The following VPS13B variants were observed in gnomAD, a reference collection of about 807,000 sequenced individuals.
VPS13B encodes the protein intermembrane lipid transfer protein VPS13B.
VPS13B carries 285 observed loss-of-function variants against 426.4 expected under a neutral mutation model. That is an observed-to-expected ratio of 0.67 (90% CI 0.61 to 0.74). The LOEUF is 0.74. Among genes scored for constraint, VPS13B ranks in the 30% least tolerant of loss-of-function variants. The probability of loss-of-function intolerance (pLI) is 0.00; values close to 1 mark genes in which losing one functional copy is unlikely to be tolerated. For missense variants in VPS13B, 4,537 were observed against 4,782.6 expected, an observed-to-expected ratio of 0.95 and a Z score of 1.51; for synonymous variants, 1,676 against 1,676.4, an observed-to-expected ratio of 1.00 and a Z score of 0.01.
At chr8:99,519,650 T>G (rs1822267205) in intron 29 of VPS13B, among the ~76,000 whole-genome samples, 1 of 152,034 alleles carries the variant, frequency 6.6e-6, no homozygotes, top group African/African-American at 2.4e-5. Flanking sequence ...ACGTCCTTTG[T>G]AGGGACATGG....
At chr8:99,732,845 G>A (rs1833661729) in intron 39 of VPS13B, among the ~76,000 whole-genome samples, 3 of 152,262 alleles carry the variant, frequency 2.0e-5, no homozygotes. Context: ...AAGAGGTGGG[G>A]AAGGAATTTG....
At chr8:99,824,450 G>A (rs1000364579) in intron 51 of VPS13B, among the ~76,000 whole-genome samples, 2 of 152,142 alleles carry the variant, frequency 1.3e-5, no homozygotes, top group African/African-American at 4.8e-5. Flanking sequence ...AAATGTACTA[G>A]CTCATTTATG....
intron 43 of VPS13B, among the ~76,000 whole-genome samples, chr8:99,807,677 TTGTGTG>T (rs144674961): frequency 2.9e-4 from 43 of 146,266 alleles, no homozygotes; most frequent in Admixed American, 1.2e-3. Context: ...CAGGGTGTGT[TTGTGTG>T]TGTGTGTGTG....
At chr8:99,039,431 C>G (rs1842880607) in intron 3 of VPS13B, among the ~76,000 whole-genome samples, 3 of 151,730 alleles carry the variant, frequency 2.0e-5, no homozygotes, top group Admixed American at 2.0e-4. Flanking sequence ...GAGTTTCTAC[C>G]AAAAATTTTC....
chr8:99,458,270 G>T (rs1436905337), intron 23 of VPS13B, among the ~76,000 whole-genome samples: 7 of 152,142 alleles, frequency 4.6e-5, no homozygotes, highest in Non-Finnish European at 7.3e-5. Flanking sequence ...TGGCTGCATA[G>T]TATTCCATGG....
intron 30 of VPS13B, among the ~76,000 whole-genome samples, chr8:99,530,160 A>G (rs759492270): frequency 2.0e-4 from 31 of 152,140 alleles, no homozygotes; most frequent in East Asian, 3.9e-4. Context: ...ATTTTTAAAA[A>G]TCCTTAAGAA....
chr8:99,687,752 C>A (rs1332626916), intron 35 of VPS13B, among the ~76,000 whole-genome samples: 2 of 152,186 alleles, frequency 1.3e-5, no homozygotes, highest in African/African-American at 4.8e-5. Context: ...TCTTTCCTAC[C>A]GTCTTCAGTA....
chr8:99,741,449 G>C (rs1268262012), intron 39 of VPS13B, among the ~76,000 whole-genome samples: 1 of 152,174 alleles, frequency 6.6e-6, no homozygotes, highest in Non-Finnish European at 1.5e-5. Context: ...TCCAGGAATT[G>C]AACTCAGCTG....
At chr8:99,843,800 G>A (rs1440400391) in intron 54 of VPS13B, among the ~76,000 whole-genome samples, 1 of 152,116 alleles carries the variant, frequency 6.6e-6, no homozygotes, top group Admixed American at 6.5e-5. Context: ...TGAAGTTTGT[G>A]TTTCATCTCA....
chr8:99,111,190 C>A lies in VPS13B; in HGVS notation c.673C>A (p.Gln225Lys). Residue 225 changes from glutamine (Q) to lysine (K), a missense_variant, in exon 6 of 62, where the codon CAG becomes AAG. Gln to Lys is a moderately conservative substitution (Grantham distance 53). Around this residue, in one of 2 missense-constraint regions of VPS13B, gnomAD observed 226 missense variants for 308.3 expected, o/e 0.73. Transcript: ENST00000357162. ...TGCCAGTGGTAAAATAGAATTTTAC[C>A]AGGATCCTTTATTATACAAATGTTC... ...RNASGKIEFY[Q>K]DPLLYKCSFR... 6.3e-7 allele frequency: 1 copy of A among 1,598,530 alleles called. No homozygotes were observed. The highest frequency in any genetic ancestry group is 8.5e-7 in the Non-Finnish European group (1 of 1,172,430).
intron 19 of VPS13B, chr8:99,340,619 C>T (rs187072650): frequency 2.4e-6 from 1 of 425,380 alleles, no homozygotes; most frequent in Admixed American, 2.9e-5. Context: ...AGTTCTTTTC[C>T]CTTCAAAGCC....
chr8:99,818,133 T>C (rs1195445295), intron 45 of VPS13B, among the ~76,000 whole-genome samples: 1 of 152,176 alleles, frequency 6.6e-6, no homozygotes, highest in Admixed American at 6.5e-5. Flanking sequence ...GGTCTGTTAC[T>C]TTATCTCTTC....
intron 23 of VPS13B, among the ~76,000 whole-genome samples, chr8:99,465,834 T>A (rs962411743): frequency 1.3e-5 from 2 of 152,008 alleles, no homozygotes; most frequent in Non-Finnish European, 2.9e-5. Flanking sequence ...TGACCACATA[T>A]TATTATGCAG....
chr8:99,112,090 G>C (rs991116062), intron 6 of VPS13B, among the ~76,000 whole-genome samples: 6 of 152,106 alleles, frequency 3.9e-5, no homozygotes, highest in African/African-American at 1.4e-4. Flanking sequence ...CCAATGTAGT[G>C]TATGTTTTCA....
chr8:99,680,266 GAA>G (rs1831106118), intron 35 of VPS13B, among the ~76,000 whole-genome samples: 1 of 152,134 alleles, frequency 6.6e-6, no homozygotes, highest in Non-Finnish European at 1.5e-5. Flanking sequence ...TTTTAAATGA[GAA>G]AAGAGCTGGA....
chr8:99,184,410 C>G (rs1813106535), intron 16 of VPS13B, among the ~76,000 whole-genome samples: 1 of 152,022 alleles, frequency 6.6e-6, no homozygotes. Flanking sequence ...ATGTCCATTC[C>G]AGTGGGGTTG....
At chr8:99,761,782 A>G (rs1034162837) in intron 39 of VPS13B, among the ~76,000 whole-genome samples, 1 of 152,236 alleles carries the variant, frequency 6.6e-6, no homozygotes, top group East Asian at 1.9e-4. Flanking sequence ...TCTTTGTTGT[A>G]CTTGTGTTTA....
chr8:99,535,262 C>T lies in VPS13B; in HGVS notation c.4745+14252C>T, dbSNP rs143964299. Among the ~76,000 whole-genome samples, 221 of 152,096 alleles carry T rather than the reference C, an allele frequency of 1.5e-3. 2 individuals carry two copies. Among genetic ancestry groups the T allele is most frequent in the African/African-American group, 5.0e-3 (209 of 41,502 alleles). On this transcript the variant is annotated intron_variant, in intron 30 of 61. Transcript: ENST00000357162. ...TGAAAGCAAGTAAATAATTATTTTC[C>T]AAAATACTAATTTAAACAATAAGTC...
intron 3 of VPS13B, among the ~76,000 whole-genome samples, chr8:99,074,478 A>G (rs1208210774): frequency 6.6e-6 from 1 of 150,622 alleles, no homozygotes; most frequent in African/African-American, 2.4e-5. Flanking sequence ...ACTGCACTCC[A>G]GCCTGGGTGA....
Sources: allele counts gnomAD v4.1 joint callset (sites outside exome capture counted in the v4.1 genomes callset), GRCh38; gene constraint gnomAD v4.1.1; regional missense constraint gnomAD v4.1.1; transcripts MANE v1.5; gene names NCBI Gene and HGNC (gene_info 2026-07-23, HGNC 2026-07-21).